The following VWF variants were observed in gnomAD, a reference collection of about 807,000 sequenced individuals.
VWF encodes von Willebrand factor.
A neutral mutation model predicts 308.6 loss-of-function variants in VWF; 176 were observed. The ratio of observed to expected loss-of-function variants is 0.57; its 90% CI spans 0.50 to 0.65. VWF has a LOEUF of 0.65. VWF is among the 30% of genes least tolerant of loss of function. The pLI is 0.00. For missense variants in VWF, 3,146 were observed against 3,648.2 expected (o/e 0.86, Z 3.55); for synonymous variants, 1,385 against 1,443.4 (o/e 0.96, Z 0.92).
chr12:6,057,116 T>C, intron 14 of VWF, 44 bp from the exon 15 acceptor site: 13 of 1,486,018 alleles, frequency 8.7e-6, no homozygotes, highest in Non-Finnish European at 1.2e-5. Context: ...TGGGGAGGAG[T>C]GGGGGCCACG....
Position 6,019,236 on chromosome 12 carries a change from G to A in VWF, c.4182C>T (p.Ser1394=), listed in dbSNP as rs139215659. ...CCTGGACGTAGCGGACAAAGTTCCG[G>A]GACATCCGTTGGGGCTCCTGGCTGG... ...LMASQEPQRM[S]RNFVRYVQGL... The change falls in exon 28 of 52, where the codon TCC becomes TCT. Residue 1394 remains serine, a synonymous_variant. Coordinates refer to ENST00000261405, the MANE Select transcript of VWF (RefSeq NM_000552.5). This position sits in a 1 kb window ranked among gnomAD's most constrained non-coding sequence, Gnocchi z 5.8. 1 of 1,613,806 alleles carries A rather than the reference G, an allele frequency of 6.2e-7. No individual in the cohort carries two copies. Among genetic ancestry groups the A allele is most frequent in the African/African-American group, 1.3e-5 (1 of 74,898 alleles).
chr12:6,065,019 A>G (rs1334506639), intron 11 of VWF, 118 bp downstream of exon 11: 1 of 1,442,062 alleles, frequency 6.9e-7, no homozygotes, highest in Non-Finnish European at 9.5e-7. Context: ...TCTGGAAGAG[A>G]CCTCCCTCAT....
At chr12:6,071,032 A>C (rs746020711) in intron 10 of VWF, among the ~76,000 whole-genome samples, 3 of 152,216 alleles carry the variant, frequency 2.0e-5, no homozygotes, top group Non-Finnish European at 4.4e-5. Context: ...CTTTCAGCAA[A>C]CAGGTAATAA....
chr12:6,036,983 T>C (rs216327), intron 18 of VWF, among the ~76,000 whole-genome samples: 107,813 of 152,058 alleles, frequency 0.71, 38,530 homozygotes, highest in East Asian at 0.79. Context: ...ACTAAATCCA[T>C]TGAGGAATCA....
intron 5 of VWF, among the ~76,000 whole-genome samples, chr12:6,102,915 A>G (rs1008396139): frequency 6.6e-6 from 1 of 152,244 alleles, no homozygotes; most frequent in Non-Finnish European, 1.5e-5. Flanking sequence ...TGAAAAACAG[A>G]CCGAATAGCC....
chr12:6,072,608 C>T (rs750347316), intron 8 of VWF, among the ~76,000 whole-genome samples, 166 bp from the exon 9 acceptor site: 9 of 152,144 alleles, frequency 5.9e-5, no homozygotes, highest in Non-Finnish European at 1.0e-4. Flanking sequence ...AAGGGAAATT[C>T]CTCATCTCCA....
intron 18 of VWF, among the ~76,000 whole-genome samples, chr12:6,042,297 T>C (rs953908106): frequency 2.6e-5 from 4 of 152,030 alleles, no homozygotes; most frequent in Admixed American, 2.6e-4. Context: ...CCCAAGCCCT[T>C]AGTGACATCC....
intron 18 of VWF, among the ~76,000 whole-genome samples, chr12:6,041,180 A>G (rs943561308): frequency 3.3e-5 from 5 of 152,148 alleles, no homozygotes; most frequent in African/African-American, 1.2e-4. Flanking sequence ...CTGTAATCCC[A>G]GCACTTTGGG....
Position 6,056,842 on chromosome 12 carries a change from A to T in VWF, c.1945+15T>A, listed in dbSNP as rs71582861. The T allele has an allele frequency of 4.0e-3, 5,474 of 1,374,182 alleles. 160 individuals carry two copies. In the African/African-American group the frequency reaches 0.067, roughly 17 times the overall value. The allele number at this position is 1,374,182 out of a possible 1,614,324, so 85.1% of individuals were successfully genotyped here. A position where few individuals can be genotyped will look rare whatever the true frequency, so the allele number is the denominator to read the frequency against. ...GGGGGCGGCCCGGAGGGCTGCGGGCAGGGAGGGCACGCACCACAGCGGCCT... is the reference window on the plus strand; with the variant it reads ...GGGGGCGGCCCGGAGGGCTGCGGGCTGGGAGGGCACGCACCACAGCGGCCT... On this transcript the variant is annotated intron_variant, in intron 15 of 51. Coordinates refer to ENST00000261405, the MANE Select transcript of VWF (RefSeq NM_000552.5).
intron 39 of VWF, among the ~76,000 whole-genome samples, chr12:5,985,329 C>CT (rs1943667039): frequency 6.6e-6 from 1 of 152,170 alleles, no homozygotes; most frequent in African/African-American, 2.4e-5. Context: ...TTAAGTCTGA[C>CT]CGTTGCTGGG....
At chr12:6,038,569 C>G (rs1944362767) in intron 18 of VWF, among the ~76,000 whole-genome samples, 1 of 147,784 alleles carries the variant, frequency 6.8e-6, no homozygotes, top group African/African-American at 2.5e-5. Flanking sequence ...AAGCCCAGCC[C>G]TCCTCCAGCG....
At chr12:6,104,815 G>T (rs1196082287) in intron 5 of VWF, among the ~76,000 whole-genome samples, 2 of 152,154 alleles carry the variant, frequency 1.3e-5, no homozygotes, top group South Asian at 4.1e-4. Context: ...TATTTATTGT[G>T]CATTATTCAC....
chr12:6,108,060 G>A (rs947511571), intron 5 of VWF, among the ~76,000 whole-genome samples: 2 of 152,022 alleles, frequency 1.3e-5, no homozygotes, highest in African/African-American at 4.8e-5. Context: ...TTGGGAGGCA[G>A]AGGCGGAGAG....
intron 6 of VWF, among the ~76,000 whole-genome samples, chr12:6,092,222 A>G (rs979619855): frequency 2.0e-5 from 3 of 152,164 alleles, no homozygotes; most frequent in Non-Finnish European, 2.9e-5. Context: ...GTTCCTGGCC[A>G]TGATAGGATG....
chr12:6,069,055 C>T (rs1035974648), intron 10 of VWF, among the ~76,000 whole-genome samples: 9 of 151,762 alleles, frequency 5.9e-5, no homozygotes, highest in African/African-American at 2.2e-4. Context: ...TGGGGTTTCA[C>T]CATGTTGCCC....
At chr12:6,080,617 G>A (rs190560581) in intron 6 of VWF, among the ~76,000 whole-genome samples, 6 of 152,322 alleles carry the variant, frequency 3.9e-5, no homozygotes, top group Non-Finnish European at 7.4e-5. Context: ...CACCACGGCT[G>A]AGCCGAGCAC....
At position 6,056,881 on chromosome 12, in the gene VWF, C is replaced by T. The variant is rs1274115577; in HGVS notation, c.1921G>A (p.Ala641Thr). ...CCACAGCGGCCTGGCTCGCGCCACGCGACGCGCACGCCTCTCCCCGCGCAG... is the reference window on the plus strand; with the variant it reads ...CCACAGCGGCCTGGCTCGCGCCACGTGACGCGCACGCCTCTCCCCGCGCAG... ...AACAGRGVRV[A>T]WREPGRCELN... The change falls in exon 15 of 52, where the codon GCG (alanine) becomes ACG (threonine). Residue 641 changes from alanine (A) to threonine (T), a missense_variant. Around this residue, in one of 3 missense-constraint regions of VWF, gnomAD observed 1,304 missense variants for 1,353.0 expected, o/e 0.96. Coordinates refer to ENST00000261405, the MANE Select transcript of VWF (RefSeq NM_000552.5). The T allele has an allele frequency of 4.0e-6, 6 of 1,484,838 alleles. No individual in the cohort carries two copies. In the East Asian group the frequency reaches 1.3e-4, roughly 33 times the overall value. 92.0% of individuals were successfully genotyped at this position (1,484,838 alleles called of 1,614,324 possible). A position where few individuals can be genotyped will look rare whatever the true frequency, so the allele number is the denominator to read the frequency against.
rs768944177 is a variant in VWF at position 6,024,253 on chromosome 12, A to G, written c.3223-466T>C. Among the ~76,000 whole-genome samples, 9 of 152,220 alleles carry G rather than the reference A, an allele frequency of 5.9e-5. No homozygotes were observed. The highest frequency in any genetic ancestry group is 2.6e-4 in the Admixed American group (4 of 15,290). Reference sequence around the variant, plus strand: ...CCTGCAGCTGCCTCACTGCAGTGCTATGGGGCAGGTATGCAGGACAATAGG... The same window carrying G: ...CCTGCAGCTGCCTCACTGCAGTGCTGTGGGGCAGGTATGCAGGACAATAGG... On this transcript the variant is annotated intron_variant, in intron 24 of 51. Coordinates refer to ENST00000261405, the MANE Select transcript of VWF (RefSeq NM_000552.5). The surrounding 1 kb of genome is among the most constrained non-coding windows in gnomAD (Gnocchi z 4.0).
intron 20 of VWF, among the ~76,000 whole-genome samples, chr12:6,033,899 G>A (rs1295250060): frequency 6.6e-6 from 1 of 152,250 alleles, no homozygotes; most frequent in Non-Finnish European, 1.5e-5. Context: ...GAGACAGAGG[G>A]ACCATATTTG....
Sources: allele counts gnomAD v4.1 joint callset (sites outside exome capture counted in the v4.1 genomes callset), GRCh38; gene constraint gnomAD v4.1.1; regional missense constraint gnomAD v4.1.1; non-coding constraint Gnocchi (gnomAD v3.1); transcripts MANE v1.5; gene names NCBI Gene and HGNC (gene_info 2026-07-23, HGNC 2026-07-21).